REL: variants seen among roughly 807,000 people sequenced by gnomAD.
REL encodes the protein REL proto-oncogene, NF-kB subunit, also known as proto-oncogene c-Rel.
Under a neutral mutation model 45.9 loss-of-function variants are expected in REL, and 15 were observed. The observed-to-expected ratio is 0.33, with a 90% CI of 0.22 to 0.50. REL has a LOEUF of 0.50. Among genes scored for constraint, REL ranks in the 20% least tolerant of loss-of-function variants. The probability of loss-of-function intolerance (pLI) is 0.98; values close to 1 mark genes in which losing one functional copy is unlikely to be tolerated. For missense variants in REL, 601 were observed against 715.2 expected, an observed-to-expected ratio of 0.84 and a Z score of 1.82; for synonymous variants, 239 against 242.1, an observed-to-expected ratio of 0.99 and a Z score of 0.12.
At position 60,925,309 on chromosome 2, in the gene REL, C is replaced by T. The variant is rs906291785; in HGVS notation, c.*2774C>T. On this transcript the variant is annotated 3_prime_UTR_variant, in exon 10 of 10. Coordinates refer to ENST00000394479, the MANE Select transcript of REL (RefSeq NM_001291746.2). ...GAAAAATGTGTGAATGCCATAAAAA[C>T]AAAAATTCTCAGTTAAATGATACTG... 1.6e-5 allele frequency: 3 copies of T among 192,288 alleles called. No homozygotes were observed. Among genetic ancestry groups the T allele is most frequent in the East Asian group, 8.1e-5 (1 of 12,336 alleles). The allele number at this position is 192,288 out of a possible 1,614,324, so 11.9% of individuals were successfully genotyped here. A position where few individuals can be genotyped will look rare whatever the true frequency, so the allele number is the denominator to read the frequency against.
chr2:60,927,348 C>T lies in REL; in HGVS notation c.*4813C>T, dbSNP rs568158077. 1 of 232,090 alleles carries T rather than the reference C, an allele frequency of 4.3e-6. No homozygotes were observed. The highest frequency in any genetic ancestry group is 2.2e-5 in the African/African-American group (1 of 45,388). The allele number at this position is 232,090 out of a possible 1,614,324, so 14.4% of individuals were successfully genotyped here. On this transcript the variant is annotated 3_prime_UTR_variant, in exon 10 of 10. Transcript: ENST00000394479. ...TTAAGTCTTGTGAAATAACACTTCTCTTCCTTGACCTGCTGCTTCCCTTTT... is the reference window on the plus strand; with the variant it reads ...TTAAGTCTTGTGAAATAACACTTCTTTTCCTTGACCTGCTGCTTCCCTTTT...
rs145569145 is a variant in REL, at chr2:60,916,948, C to G, written c.466C>G (p.Leu156Val). 1.2e-6 allele frequency: 2 copies of G among 1,613,402 alleles called. No homozygotes were observed. Among genetic ancestry groups the G allele is most frequent in the African/African-American group, 1.3e-5 (1 of 74,984 alleles). ...GGTGAGACTGTGTTTTCAAGTTTTTCTCCCTGATGAACATGGTAATTTGAC... is the reference window on the plus strand; with the variant it reads ...GGTGAGACTGTGTTTTCAAGTTTTTGTCCCTGATGAACATGGTAATTTGAC... ...NVVRLCFQVF[L>V]PDEHGNLTTA... is the part of the protein sequence containing the mutation. Residue 156 changes from leucine (L) to valine (V), a missense_variant, in exon 5 of 10, where the codon CTC (leucine) becomes GTC (valine). Physicochemically the swap from Leu to Val is conservative, Grantham distance 32. This residue lies in a region of REL where 241 missense variants were observed against 347.0 expected (regional missense o/e 0.69). Coordinates refer to ENST00000394479, the MANE Select transcript of REL (RefSeq NM_001291746.2).
Position 60,901,051 on chromosome 2 carries a change from C to T in REL, c.362C>T (p.Thr121Ile), listed in dbSNP as rs939970321. ...AAAGAAGTAAAAGAAGCTATTATTA[C>T]AAGAATAAAGGCAGGAATCAATCCA... is the stretch of plus-strand genomic sequence containing the variant. Reference protein sequence around the residue: ...KKKEVKEAIITRIKAGINPFN... With the variant: ...KKKEVKEAIIIRIKAGINPFN... Residue 121 changes from threonine (T) to isoleucine (I), a missense_variant, in exon 4 of 10, where the codon ACA becomes ATA. Transcript: ENST00000394479. 1.2e-6 allele frequency: 2 copies of T among 1,600,112 alleles called. No homozygotes were observed. The highest frequency in any genetic ancestry group is 1.7e-5 in the Admixed American group (1 of 58,620).
chr2:60,882,944 A>G (rs35593903), intron 1 of REL, among the ~76,000 whole-genome samples: 17 of 152,190 alleles, frequency 1.1e-4, no homozygotes, highest in African/African-American at 3.9e-4. Context: ...AAAGTCTCCT[A>G]TATACACAGA....
At chr2:60,901,181 A>C (rs1573325629) in intron 4 of REL, 98 bp downstream of exon 4, 2 of 1,222,436 alleles carry the variant, frequency 1.6e-6, no homozygotes, top group Admixed American at 6.1e-5. Flanking sequence ...TTTGAGACGG[A>C]GTTTTGCTCT....
intron 8 of REL, 51 bp downstream of exon 8, chr2:60,920,160 C>T (rs1674098833): frequency 1.5e-6 from 2 of 1,302,210 alleles, no homozygotes; most frequent in East Asian, 2.3e-5. Flanking sequence ...GTTTTATTTA[C>T]TTTATTCAGT....
chr2:60,913,119 A>T (rs1558812251), intron 4 of REL, among the ~76,000 whole-genome samples: 1 of 152,030 alleles, frequency 6.6e-6, no homozygotes, highest in Non-Finnish European at 1.5e-5. Context: ...TCAGTTCTAG[A>T]ATTTGATTCC....
rs1002127061 is a variant in REL at position 60,930,797 on chromosome 2, T to A, written c.*8262T>A. 6.6e-6 allele frequency: 1 copy of A among 152,348 alleles called. No individual in the cohort carries two copies. Among genetic ancestry groups the A allele is most frequent in the Non-Finnish European group, 1.5e-5 (1 of 68,028 alleles). The allele number at this position is 152,348 out of a possible 1,614,324, so 9.4% of individuals were successfully genotyped here. A position where few individuals can be genotyped will look rare whatever the true frequency, so the allele number is the denominator to read the frequency against. ...TGTAGAATTTATTATCCTCTAATAT[T>A]CTTATCAGTTGTTTCCACAACTTTA... On this transcript the variant is annotated 3_prime_UTR_variant, in exon 10 of 10. Coordinates refer to ENST00000394479, the MANE Select transcript of REL (RefSeq NM_001291746.2).
intron 4 of REL, among the ~76,000 whole-genome samples, chr2:60,901,480 T>G (rs570314768): frequency 1.1e-4 from 17 of 152,308 alleles, no homozygotes; most frequent in African/African-American, 4.1e-4. Flanking sequence ...CTTCAACCTG[T>G]GTTTTAAGTT....
intron 3 of REL, chr2:60,899,403 G>C (rs956682628): frequency 6.6e-6 from 1 of 152,196 alleles, no homozygotes; most frequent in Non-Finnish European, 1.5e-5. Context: ...AGGATCACCC[G>C]AGCCTGGGAG....
intron 1 of REL, among the ~76,000 whole-genome samples, chr2:60,882,892 C>CT (rs1276087091): frequency 6.6e-6 from 1 of 152,066 alleles, no homozygotes; most frequent in East Asian, 1.9e-4. Flanking sequence ...CGATCTCTCC[C>CT]TTTGGGGGGG....
intron 3 of REL, 145 bp downstream of exon 3, chr2:60,894,690 A>G (rs898708173): frequency 1.8e-6 from 1 of 545,634 alleles, no homozygotes; most frequent in Non-Finnish European, 3.0e-6. Context: ...CATTTTTACT[A>G]TTTGCATTAG....
rs1157280715 is a variant in REL at position 60,929,861 on chromosome 2, C to T, written c.*7326C>T. On this transcript the variant is annotated 3_prime_UTR_variant, in exon 10 of 10. Transcript: ENST00000394479. ...AATAAATAAGAAAAAGAAAGCCAGG[C>T]ATGGTGACATGTGCCTGTGGTCCCA... 6.6e-6 allele frequency: 1 copy of T among 151,956 alleles called. No individual in the cohort carries two copies. Among genetic ancestry groups the T allele is most frequent in the African/African-American group, 2.4e-5 (1 of 41,370 alleles). 9.4% of individuals were successfully genotyped at this position (151,956 alleles called of 1,614,324 possible). A position where few individuals can be genotyped will look rare whatever the true frequency, so the allele number is the denominator to read the frequency against.
intron 4 of REL, among the ~76,000 whole-genome samples, chr2:60,908,392 A>G (rs1041232130): frequency 7.9e-5 from 12 of 152,226 alleles, no homozygotes; most frequent in Admixed American, 5.2e-4. Context: ...TTTAAAACTA[A>G]GAAACAGTCT....
At chr2:60,904,610 A>G (rs1034950120) in intron 4 of REL, among the ~76,000 whole-genome samples, 7 of 151,612 alleles carry the variant, frequency 4.6e-5, no homozygotes, top group Non-Finnish European at 8.8e-5. Flanking sequence ...CAAGTAGGCC[A>G]GGCACGGTGT....
At chr2:60,899,212 A>G (rs184499755) in intron 3 of REL, 14 of 152,352 alleles carry the variant, frequency 9.2e-5, no homozygotes, top group Admixed American at 7.8e-4. Context: ...CTGACCAAGC[A>G]TAGTGGCTCA....
intron 4 of REL, among the ~76,000 whole-genome samples, chr2:60,911,645 T>C (rs1469785535): frequency 3.9e-5 from 6 of 152,164 alleles, no homozygotes; most frequent in Admixed American, 3.3e-4. Flanking sequence ...TATGAGATCT[T>C]AGAGAATACT....
At chr2:60,917,717 C>T (rs842618) in intron 5 of REL, among the ~76,000 whole-genome samples, 89,490 of 145,252 alleles carry the variant, frequency 0.62, 27,929 homozygotes, top group Middle Eastern at 0.8. Context: ...TGTGTGTGTA[C>T]GTGTGTGTGT....
At chr2:60,898,674 G>C (rs1475438749) in intron 3 of REL, among the ~76,000 whole-genome samples, 1 of 152,232 alleles carries the variant, frequency 6.6e-6, no homozygotes, top group Non-Finnish European at 1.5e-5. Flanking sequence ...TATGGTCTCT[G>C]TTGCTCAGCT....
Sources: gnomAD v4.1 joint callset for allele counts (sites outside exome capture counted in the v4.1 genomes callset) on GRCh38, gnomAD v4.1.1 for gene constraint, gnomAD v4.1.1 regional missense constraint, MANE v1.5 for transcripts, NCBI Gene and HGNC (gene_info 2026-07-23, HGNC 2026-07-21) for gene names.